DIS3: variants seen among roughly 807,000 people sequenced by gnomAD.
DIS3 encodes the protein DIS3 exosome endoribonuclease and 3'-5' exoribonuclease, also known as exosome complex exonuclease RRP44.
DIS3 carries 103 observed loss-of-function variants against 113.0 expected under a neutral mutation model. The observed-to-expected ratio is 0.91, with a 90% CI of 0.78 to 1.07. The LOEUF is 1.07. DIS3 is among the 50% of genes least tolerant of loss of function. The pLI, the probability that DIS3 is intolerant of heterozygous loss-of-function variation, is 0.00. For synonymous variants in DIS3, 402 were observed against 394.3 expected (o/e 1.02, Z -0.23); for missense variants, 1,121 against 1,167.1 (o/e 0.96, Z 0.58).
At chr13:72,779,581 A>G (rs1188458371) in intron 2 of DIS3, among the ~76,000 whole-genome samples, 1 of 152,238 alleles carries the variant, frequency 6.6e-6, no homozygotes. Flanking sequence ...TATTCTTTAC[A>G]AGAACATTGA....
Position 72,775,125 on chromosome 13 carries a change from G to A in DIS3, c.987+86C>T, listed in dbSNP as rs182150919. The A allele has an allele frequency of 1.6e-5, 22 of 1,364,732 alleles. No homozygotes were observed. In the African/African-American group the frequency reaches 3.2e-4, roughly 20 times the overall value. The allele number at this position is 1,364,732 out of a possible 1,614,324, so 84.5% of individuals were successfully genotyped here. ...AACTATGATTTTATGCAATAAATCT[G>A]AAAGCAATGAAACTTGTTTTCCAAA... On this transcript the variant is annotated intron_variant, in intron 6 of 20. Coordinates refer to ENST00000377767, the MANE Select transcript of DIS3 (RefSeq NM_014953.5).
At chr13:72,766,131 TTAAAAAAGACAATGACTACA>T (rs2033744656) in intron 14 of DIS3, 73 bp from the exon 15 acceptor site, 2 of 1,310,740 alleles carry the variant, frequency 1.5e-6, no homozygotes, top group Admixed American at 2.3e-5. Context: ...AATTATTCTT[TTAAAAAAGACAATGACTACA>T]GCAAGTGTGT....
intron 19 of DIS3, 26 bp downstream of exon 19, chr13:72,761,337 G>A (rs1345791203): frequency 6.4e-7 from 1 of 1,572,940 alleles, no homozygotes; most frequent in East Asian, 2.3e-5. Flanking sequence ...CCCCGGAAAA[G>A]AAAACAAACA....
intron 13 of DIS3, among the ~76,000 whole-genome samples, chr13:72,770,175 A>G (rs1566245035): frequency 6.6e-6 from 1 of 152,182 alleles, no homozygotes; most frequent in African/African-American, 2.4e-5. Flanking sequence ...GCATAAAACC[A>G]CTAGTTGGTC....
rs112725468 is a variant in DIS3, at chr13:72,780,477, T to C, written c.386+369A>G. Among the ~76,000 whole-genome samples the C allele has an allele frequency of 2.9e-3, 434 of 152,222 alleles. 3 individuals are homozygous for C. The highest frequency in any genetic ancestry group is 9.7e-3 in the African/African-American group (403 of 41,516). On this transcript the variant is annotated intron_variant, in intron 2 of 20. Coordinates refer to ENST00000377767, the MANE Select transcript of DIS3 (RefSeq NM_014953.5). ...AAAATAGAAACTTCACAAACTCATA[T>C]ATTTTATTACCCTCTGTTAGTTGTT...
chr13:72,752,643 G>C lies in DIS3; in HGVS notation c.*7152C>G, dbSNP rs1206471149. The C allele has an allele frequency of 6.6e-6, 1 of 152,186 alleles. No homozygotes were observed. The highest frequency in any genetic ancestry group is 2.4e-5 in the African/African-American group (1 of 41,436). The allele number at this position is 152,186 out of a possible 1,614,324, so 9.4% of individuals were successfully genotyped here. A position where few individuals can be genotyped will look rare whatever the true frequency, so the allele number is the denominator to read the frequency against. ...TTGATCAAGTAGCTATTGAATGATA[G>C]CAGAACAAGGCTTTTCCCCAAAAAT... is the stretch of plus-strand genomic sequence containing the variant. On this transcript the variant is annotated 3_prime_UTR_variant, in exon 21 of 21. Coordinates refer to ENST00000377767, the MANE Select transcript of DIS3 (RefSeq NM_014953.5).
In DIS3 at chr13:72,780,482, T is replaced by C. The variant is rs890075729; in HGVS notation, c.386+364A>G. On this transcript the variant is annotated intron_variant, in intron 2 of 20. Transcript: ENST00000377767. ...AGAAACTTCACAAACTCATATATTT[T>C]ATTACCCTCTGTTAGTTGTTCACAT... Among the ~76,000 whole-genome samples, 5 of 152,186 alleles carry C rather than the reference T, an allele frequency of 3.3e-5. No homozygotes were observed. The East Asian group carries it at 9.6e-4, about 29-fold the overall frequency.
Position 72,778,339 on chromosome 13 carries a change from T to C in DIS3, c.428A>G (p.Asp143Gly), listed in dbSNP as rs765842209. ...TACTCGAATCGCTCTATCATTCCTG[T>C]CATTAGCATTTTCTCCCTGTTCTTG... is the stretch of plus-strand genomic sequence containing the variant. ...VEQEQGENAN[D>G]RNDRAIRVAA... The change falls in exon 3 of 21, where the codon GAC becomes GGC. Residue 143 changes from aspartate to glycine, a missense_variant. Transcript: ENST00000377767. The C allele has an allele frequency of 1.7e-5, 27 of 1,586,664 alleles. No individual in the cohort carries two copies. The highest frequency in any genetic ancestry group is 6.9e-6 in the Non-Finnish European group (8 of 1,159,326).
chr13:72,781,628 C>T lies in DIS3; in HGVS notation c.205G>A (p.Asp69Asn). The T allele has an allele frequency of 1.3e-6, 2 of 1,536,622 alleles. No individual in the cohort carries two copies. The highest frequency in any genetic ancestry group is 1.4e-5 in the African/African-American group (1 of 72,876). Residue 69 changes from aspartate (D) to asparagine (N), a missense_variant, in exon 1 of 21, where the codon GAC becomes AAC. Asp to Asn is a conservative substitution (Grantham distance 23). Coordinates refer to ENST00000377767, the MANE Select transcript of DIS3 (RefSeq NM_014953.5). ...VCPQPHYLLP[D>N]TNVLLHQIDV... ...ACCTGGTGCAGTAACACATTAGTGT[C>T]GGGCAGCAAGTAGTGCGGTTGCGGG...
chr13:72,754,823 T>G lies in DIS3; in HGVS notation c.*4972A>C, dbSNP rs2033401663. On this transcript the variant is annotated 3_prime_UTR_variant, in exon 21 of 21. Transcript: ENST00000377767. ...CTTCACCTCCCAGACTCAAGCAGTCTTACCACCTCAGCCTCCTGAGTAGCT... is the reference window on the plus strand; with the variant it reads ...CTTCACCTCCCAGACTCAAGCAGTCGTACCACCTCAGCCTCCTGAGTAGCT... 3 of 212,962 alleles carry G rather than the reference T, an allele frequency of 1.4e-5. No homozygotes were observed. The South Asian group carries it at 2.9e-4, about 21-fold the overall frequency. 13.2% of individuals were successfully genotyped at this position (212,962 alleles called of 1,614,324 possible).
chr13:72,772,053 T>C, intron 10 of DIS3, 106 bp downstream of exon 10: 1 of 1,221,554 alleles, frequency 8.2e-7, no homozygotes, highest in Non-Finnish European at 1.2e-6. Context: ...GCAGCTACAA[T>C]TATACTTCAC....
At chr13:72,772,904 AT>A in intron 8 of DIS3, 65 bp from the exon 9 acceptor site, 1 of 1,478,890 alleles carries the variant, frequency 6.8e-7, no homozygotes, top group Middle Eastern at 1.8e-4. Flanking sequence ...ATCATATTAA[AT>A]TCTTCAGCAT....
Position 72,772,780 on chromosome 13 carries a change from C to G in DIS3, c.1299G>C (p.Leu433Phe). 1 of 1,613,208 alleles carries G rather than the reference C, an allele frequency of 6.2e-7. No individual in the cohort carries two copies. The change falls in exon 9 of 21, where the codon TTG (leucine) becomes TTC (phenylalanine). Residue 433 changes from leucine (L) to phenylalanine (F), a missense_variant. Leu to Phe is a conservative substitution (Grantham distance 22). Coordinates refer to ENST00000377767, the MANE Select transcript of DIS3 (RefSeq NM_014953.5). Reference protein sequence around the residue: ...VGEKETETEVLLLEHDVPHQP... With the variant: ...VGEKETETEVFLLEHDVPHQP... Reference sequence around the variant, plus strand: ...GATGGGGAACATCGTGTTCAAGTAACAAAACTTCTGTTTCAGTCTCTTTCT... The same window carrying G: ...GATGGGGAACATCGTGTTCAAGTAAGAAAACTTCTGTTTCAGTCTCTTTCT...
At position 72,756,372 on chromosome 13, in the gene DIS3, G is replaced by GTGTT. The variant is rs1217279992; in HGVS notation, c.*3419_*3422dup. 4 of 156,080 alleles carry GTGTT rather than the reference G, an allele frequency of 2.6e-5. No individual in the cohort carries two copies. In the East Asian group the frequency reaches 7.5e-4, roughly 29 times the overall value. 9.7% of individuals were successfully genotyped at this position (156,080 alleles called of 1,614,324 possible). The stretch of plus-strand genomic sequence containing the variant: ...TGGAAAGTTGTCTTTAATCACACAG[G>GTGTT]TGTTAAACTCAATATAAATTTACCT... On this transcript the variant is annotated 3_prime_UTR_variant, in exon 21 of 21. Coordinates refer to ENST00000377767, the MANE Select transcript of DIS3 (RefSeq NM_014953.5).
chr13:72,769,513 T>C (rs1028585257), intron 13 of DIS3, among the ~76,000 whole-genome samples: 10 of 151,644 alleles, frequency 6.6e-5, no homozygotes, highest in African/African-American at 1.5e-4. Context: ...TTTTTTTTGT[T>C]TGTCTAAGGA....
In DIS3 at chr13:72,755,267, CGTT is replaced by C. The variant is rs558968751; in HGVS notation, c.*4525_*4527del. 1.6e-5 allele frequency: 24 copies of C among 1,457,618 alleles called. No homozygotes were observed. Among genetic ancestry groups the C allele is most frequent in the Non-Finnish European group, 2.2e-5 (23 of 1,042,086 alleles). The allele number at this position is 1,457,618 out of a possible 1,614,324, so 90.3% of individuals were successfully genotyped here. A position where few individuals can be genotyped will look rare whatever the true frequency, so the allele number is the denominator to read the frequency against. On this transcript the variant is annotated 3_prime_UTR_variant, in exon 21 of 21. Coordinates refer to ENST00000377767, the MANE Select transcript of DIS3 (RefSeq NM_014953.5). ...AAGCTTAAGAGTTCCTCGCATATAT[CGTT>C]GTGCACAGGATCAACATGATGGTGA...
At chr13:72,771,686 T>C (rs921075033) in intron 11 of DIS3, 109 bp downstream of exon 11, 1 of 1,036,304 alleles carries the variant, frequency 9.6e-7, no homozygotes, top group Admixed American at 2.8e-5. Flanking sequence ...GCAATATATT[T>C]AGTGATTTAA....
chr13:72,761,924 T>A lies in DIS3; in HGVS notation c.2341A>T (p.Arg781Ter), dbSNP rs1487111631. 1.9e-6 allele frequency: 3 copies of A among 1,613,834 alleles called. No homozygotes were observed. The African/African-American group carries it at 4.0e-5, about 22-fold the overall frequency. The change falls in exon 17 of 21, where the codon AGA becomes TGA. Residue 781 changes from arginine to a stop codon, truncating the protein, a stop_gained and splice_region_variant. Transcript: ENST00000377767. LOFTEE classifies it high-confidence loss of function. ...IYTHFTSPIR[R>*]YADVIVHRLL... ...TTTAATTTCATAAGGAAAAAATACC[T>A]TCTAATGGGTGAAGTAAAATGTGTG...
chr13:72,776,169 A>G (rs1182138495), intron 4 of DIS3, 77 bp from the exon 5 acceptor site: 9 of 1,389,302 alleles, frequency 6.5e-6, no homozygotes, highest in Non-Finnish European at 8.6e-6. Flanking sequence ...TTAATATCAG[A>G]GAATTTTTGA....
Sources: allele counts gnomAD v4.1 joint callset (sites outside exome capture counted in the v4.1 genomes callset), GRCh38; gene constraint gnomAD v4.1.1; transcripts MANE v1.5; gene names NCBI Gene and HGNC (gene_info 2026-07-23, HGNC 2026-07-21).